Variants in NRXN3 observed in about 807,000 individuals in gnomAD.
NRXN3 encodes neurexin 3, also known as neurexin III.
A neutral mutation model predicts 137.6 loss-of-function variants in NRXN3; 32 were observed. That is an observed-to-expected ratio of 0.23 (90% confidence interval 0.18 to 0.31). NRXN3 has a LOEUF of 0.31. Among genes scored for constraint, NRXN3 ranks in the 10% least tolerant of loss-of-function variants. The pLI, the probability that NRXN3 is intolerant of heterozygous loss-of-function variation, is 1.00. For synonymous variants in NRXN3, 798 were observed against 784.5 expected (o/e 1.02, Z -0.29); for missense variants, 1,574 against 2,062.5 (o/e 0.76, Z 4.59).
chr14:79,265,243 T>C (rs2078283045), intron 15 of NRXN3, among the ~76,000 whole-genome samples: 2 of 149,934 alleles, frequency 1.3e-5, no homozygotes, highest in Non-Finnish European at 3.0e-5. Flanking sequence ...TTTTTTTTTT[T>C]TTTTTTTTTT....
intron 15 of NRXN3, among the ~76,000 whole-genome samples, chr14:79,307,452 A>T (rs1253996304): frequency 1.3e-5 from 2 of 152,058 alleles, no homozygotes; most frequent in African/African-American, 4.8e-5. Context: ...ATGAAAACTT[A>T]CCCCAAAACT....
At chr14:78,932,483 G>A (rs1385521443) in intron 10 of NRXN3, among the ~76,000 whole-genome samples, 2 of 152,120 alleles carry the variant, frequency 1.3e-5, no homozygotes, top group African/African-American at 2.4e-5. Context: ...TTGAAGTAGT[G>A]GATATGGGAT....
At position 78,710,481 on chromosome 14, in the gene NRXN3, G is replaced by T. The variant is rs532162587; in HGVS notation, c.1660+826G>T. 2.0e-5 allele frequency among the ~76,000 whole-genome samples: 3 copies of T among 152,238 alleles called. No individual in the cohort carries two copies. In the South Asian group the frequency reaches 6.2e-4, roughly 32 times the overall value. ...GTCACATTCTGTGCTATCAGAAAGG[G>T]CATTTTCCCAAGAGCAGTAATTAGA... is the stretch of plus-strand genomic sequence containing the variant. On this transcript the variant is annotated intron_variant, in intron 7 of 20. Transcript: ENST00000335750.
intron 20 of NRXN3, among the ~76,000 whole-genome samples, chr14:79,851,518 G>A (rs1249888630): frequency 6.6e-6 from 1 of 151,978 alleles, no homozygotes; most frequent in Non-Finnish European, 1.5e-5. Flanking sequence ...AATAAAAGGG[G>A]CGTCCCATAG....
chr14:78,345,042 T>A (rs2082557817), intron 4 of NRXN3, among the ~76,000 whole-genome samples: 2 of 151,994 alleles, frequency 1.3e-5, no homozygotes, highest in Admixed American at 6.6e-5. Context: ...ATCAGGTAAG[T>A]CAGGAGAAAA....
At chr14:79,759,201 C>CATT (rs2099030074) in intron 19 of NRXN3, among the ~76,000 whole-genome samples, 1 of 147,962 alleles carries the variant, frequency 6.8e-6, no homozygotes, top group African/African-American at 2.7e-5. Flanking sequence ...CAAGTCAGAA[C>CATT]TTCTTGTTAT....
At chr14:79,135,109 T>A (rs906796998) in intron 15 of NRXN3, among the ~76,000 whole-genome samples, 1 of 152,210 alleles carries the variant, frequency 6.6e-6, no homozygotes, top group Non-Finnish European at 1.5e-5. Context: ...GTACATGATA[T>A]GGAATGAGAC....
chr14:78,339,142 A>G (rs887557857), intron 4 of NRXN3, among the ~76,000 whole-genome samples: 3 of 152,202 alleles, frequency 2.0e-5, no homozygotes, highest in East Asian at 3.8e-4. Flanking sequence ...AAACCTTGTG[A>G]CACCTTAGTT....
chr14:78,172,482 C>T (rs181478579), intron 1 of NRXN3, among the ~76,000 whole-genome samples: 3 of 152,222 alleles, frequency 2.0e-5, no homozygotes, highest in East Asian at 3.9e-4. Flanking sequence ...TTTTAATCTT[C>T]GGGCTTAATC....
intron 4 of NRXN3, among the ~76,000 whole-genome samples, chr14:78,640,547 A>T (rs575344858): frequency 1.3e-5 from 2 of 152,350 alleles, no homozygotes; most frequent in South Asian, 4.1e-4. Flanking sequence ...TCTCAGAGAA[A>T]TAGAGTGATT....
intron 10 of NRXN3, among the ~76,000 whole-genome samples, chr14:78,949,672 G>A (rs1210046271): frequency 2.0e-5 from 3 of 152,056 alleles, no homozygotes; most frequent in Non-Finnish European, 2.9e-5. Flanking sequence ...AATTGCTGAA[G>A]CAGTAAACTC....
intron 20 of NRXN3, among the ~76,000 whole-genome samples, chr14:79,814,083 A>G (rs2099244157): frequency 6.6e-6 from 1 of 152,222 alleles, no homozygotes; most frequent in Non-Finnish European, 1.5e-5. Context: ...ATCTAGGCTA[A>G]CCCAGCAAGT....
chr14:78,853,206 A>G (rs768675372), intron 10 of NRXN3, among the ~76,000 whole-genome samples: 2 of 152,124 alleles, frequency 1.3e-5, no homozygotes, highest in African/African-American at 2.4e-5. Flanking sequence ...TCCTAATGCT[A>G]TCCCTCACCT....
At chr14:78,473,421 A>G (rs920281426) in intron 4 of NRXN3, among the ~76,000 whole-genome samples, 7 of 150,490 alleles carry the variant, frequency 4.7e-5, no homozygotes, top group African/African-American at 1.2e-4. Context: ...AAAAAAAATG[A>G]AAAACCTTTC....
intron 10 of NRXN3, among the ~76,000 whole-genome samples, chr14:78,855,060 A>T (rs1264858061): frequency 1.3e-5 from 2 of 151,870 alleles, no homozygotes; most frequent in East Asian, 3.9e-4. Context: ...GCTACTCGGG[A>T]GGCTGGGGCA....
At chr14:79,317,569 G>A (rs1463426220) in intron 15 of NRXN3, among the ~76,000 whole-genome samples, 2 of 152,078 alleles carry the variant, frequency 1.3e-5, no homozygotes, top group African/African-American at 4.8e-5. Context: ...GAGGTACTGG[G>A]GGGTTAGGAT....
intron 15 of NRXN3, among the ~76,000 whole-genome samples, chr14:79,161,672 G>A (rs1346369559): frequency 6.6e-6 from 1 of 151,924 alleles, no homozygotes; most frequent in Non-Finnish European, 1.5e-5. Context: ...TCTCAGTTGA[G>A]CAAAAACAAG....
chr14:78,747,384 A>G (rs2098614449), intron 8 of NRXN3, among the ~76,000 whole-genome samples: 1 of 152,160 alleles, frequency 6.6e-6, no homozygotes, highest in Admixed American at 6.5e-5. Context: ...CTATTTTCTC[A>G]CCAAGGAAAT....
At chr14:79,189,700 T>C (rs1252548966) in intron 15 of NRXN3, among the ~76,000 whole-genome samples, 1 of 152,194 alleles carries the variant, frequency 6.6e-6, no homozygotes, top group Non-Finnish European at 1.5e-5. Context: ...AATATAGGCC[T>C]GTGAGAATAA....
Sources: allele counts gnomAD v4.1 joint callset (sites outside exome capture counted in the v4.1 genomes callset), GRCh38; gene constraint gnomAD v4.1.1; transcripts MANE v1.5; gene names NCBI Gene and HGNC (gene_info 2026-07-23, HGNC 2026-07-21).